The following NR2F1-AS1 variants were observed in gnomAD, a reference collection of about 807,000 sequenced individuals.
NR2F1-AS1 encodes the protein NR2F1 regulatory antisense RNA 1, also known as NR2F1 antisense RNA 1.
intron 4 of NR2F1-AS1, chr5:93,543,068 T>C (rs1216804798): frequency 6.6e-6 from 1 of 152,330 alleles, no homozygotes; most frequent in East Asian, 1.9e-4. Context: ...ATCACCTTGA[T>C]TGATTGCGGA....
chr5:93,411,013 G>C (rs1360205497), intron 4 of NR2F1-AS1: 1 of 152,066 alleles, frequency 6.6e-6, no homozygotes, highest in Non-Finnish European at 1.5e-5. Context: ...TTAAAACACA[G>C]AATATACTTT....
upstream of NR2F1-AS1, among the ~76,000 whole-genome samples, chr5:93,581,709 TCTCTCTCTCTCTCTCTCTCTCTCTCCCC>T (rs1753046420): frequency 4.7e-5 from 3 of 63,272 alleles, no homozygotes; most frequent in African/African-American, 2.7e-4. Flanking sequence ...TCTCTCTCTC[TCTCTCTCTCTCTCTCTCTCTCTCTCCCC>T]CTCTCCCTCT....
chr5:93,577,170 G>T (rs549859478), intron 1 of NR2F1-AS1, among the ~76,000 whole-genome samples: 36 of 152,290 alleles, frequency 2.4e-4, no homozygotes, highest in African/African-American at 8.7e-4. Flanking sequence ...CTTCTCCTGG[G>T]CCCTCTAACT....
At chr5:93,483,361 C>A (rs1464031730) in intron 4 of NR2F1-AS1, among the ~76,000 whole-genome samples, 1 of 152,160 alleles carries the variant, frequency 6.6e-6, no homozygotes, top group Non-Finnish European at 1.5e-5. Context: ...AGGGGCCTAA[C>A]TATTAGAAGG....
intron 4 of NR2F1-AS1, among the ~76,000 whole-genome samples, chr5:93,485,055 C>T (rs1208366815): frequency 6.6e-5 from 10 of 152,034 alleles, no homozygotes; most frequent in Admixed American, 6.6e-4. Flanking sequence ...GACAGATCAA[C>T]GAGACAGAAA....
At chr5:93,560,202 C>T (rs191196270) in intron 2 of NR2F1-AS1, among the ~76,000 whole-genome samples, 155 of 152,210 alleles carry the variant, frequency 1.0e-3, no homozygotes, top group African/African-American at 3.6e-3. Flanking sequence ...TAGGGCTTTA[C>T]TATTTTTATT....
intron 4 of NR2F1-AS1, among the ~76,000 whole-genome samples, chr5:93,421,802 C>A (rs1749094928): frequency 6.6e-6 from 1 of 152,124 alleles, no homozygotes; most frequent in Non-Finnish European, 1.5e-5. Context: ...GATTAGTGGG[C>A]AGCAATGAAT....
intron 4 of NR2F1-AS1, among the ~76,000 whole-genome samples, chr5:93,486,823 A>G (rs1029658307): frequency 2.0e-5 from 3 of 152,246 alleles, no homozygotes; most frequent in Non-Finnish European, 2.9e-5. Flanking sequence ...AATATCCCTG[A>G]TGAACATCAA....
upstream of NR2F1-AS1, chr5:93,583,767 A>T (rs1267794565): frequency 6.6e-6 from 1 of 152,132 alleles, no homozygotes; most frequent in Non-Finnish European, 1.5e-5. Flanking sequence ...AGGATTATTT[A>T]TTCGACCTAC....
chr5:93,554,480 T>G (rs1752304373), intron 3 of NR2F1-AS1, among the ~76,000 whole-genome samples: 4 of 152,178 alleles, frequency 2.6e-5, no homozygotes, highest in Admixed American at 2.6e-4. Context: ...TCTAGTTGAA[T>G]CTCCTTCATA....
intron 4 of NR2F1-AS1, among the ~76,000 whole-genome samples, chr5:93,550,237 T>C (rs2149911752): frequency 6.6e-6 from 1 of 152,270 alleles, no homozygotes; most frequent in African/African-American, 2.4e-5. Flanking sequence ...GCATGAAGAA[T>C]TCTTATTAAG....
intron 4 of NR2F1-AS1, among the ~76,000 whole-genome samples, chr5:93,438,247 G>A (rs1749485324): frequency 6.6e-6 from 1 of 152,188 alleles, no homozygotes; most frequent in Non-Finnish European, 1.5e-5. Context: ...TAGGCTCATT[G>A]TCTCCTTTTC....
chr5:93,537,346 A>T (rs188327874), intron 4 of NR2F1-AS1, among the ~76,000 whole-genome samples: 37 of 152,304 alleles, frequency 2.4e-4, no homozygotes, highest in African/African-American at 6.7e-4. Context: ...CAAAGGAAAC[A>T]ATTAACAGAG....
At chr5:93,420,033 T>C (rs1445672126) in intron 4 of NR2F1-AS1, among the ~76,000 whole-genome samples, 1 of 152,090 alleles carries the variant, frequency 6.6e-6, no homozygotes, top group South Asian at 2.1e-4. Flanking sequence ...CTGTCTCTAC[T>C]AAAAATACAA....
intron 4 of NR2F1-AS1, among the ~76,000 whole-genome samples, chr5:93,420,280 G>C (rs537564942): frequency 1.3e-5 from 2 of 152,304 alleles, no homozygotes; most frequent in South Asian, 4.1e-4. Flanking sequence ...GAAAATGTGT[G>C]CTCTTGGTAG....
intron 4 of NR2F1-AS1, among the ~76,000 whole-genome samples, chr5:93,419,606 T>C (rs969599293): frequency 1.3e-5 from 2 of 152,174 alleles, no homozygotes; most frequent in African/African-American, 4.8e-5. Flanking sequence ...TATAAACATA[T>C]ATTTGCATAT....
intron 4 of NR2F1-AS1, among the ~76,000 whole-genome samples, chr5:93,469,376 T>A (rs188793570): frequency 4.6e-5 from 7 of 152,266 alleles, no homozygotes; most frequent in Non-Finnish European, 1.0e-4. Context: ...TCATTAATAC[T>A]AAGGTATTAT....
chr5:93,530,926 A>C (rs1302497108), intron 4 of NR2F1-AS1, among the ~76,000 whole-genome samples: 3 of 152,190 alleles, frequency 2.0e-5, no homozygotes, highest in African/African-American at 4.8e-5. Context: ...AAAGGAGTAA[A>C]TGTTTTTCAA....
In NR2F1-AS1 at chr5:93,452,199, T is replaced by C. The variant is rs187791049; in HGVS notation, n.639-56657A>G. 1.2e-4 allele frequency among the ~76,000 whole-genome samples: 18 copies of C among 152,342 alleles called. 1 individual carries two copies. The East Asian group carries it at 1.9e-3, about 16-fold the overall frequency. On this transcript the variant is annotated intron_variant and non_coding_transcript_variant, in intron 4 of 5. Transcript: ENST00000660523. ...ACAAAAAAAAACACTGTTACTCTTA[T>C]GGAACATTAACAAAAATCTTAAACA...
Sources: gnomAD v4.1 joint callset for allele counts (sites outside exome capture counted in the v4.1 genomes callset) on GRCh38, gnomAD v4.1.1 for gene constraint, MANE v1.5 for transcripts, NCBI Gene and HGNC (gene_info 2026-07-23, HGNC 2026-07-21) for gene names.